GOLGA8K: variants seen among roughly 807,000 people sequenced by gnomAD.
The protein encoded by GOLGA8K is golgin A8 family member K, also known as golgin subfamily A member 8K.
In GOLGA8K, 12 loss-of-function variants were observed where a neutral mutation model predicts 75.2. The observed-to-expected ratio is 0.16, with a 90% CI of 0.10 to 0.26. The LOEUF (loss-of-function observed/expected upper bound fraction) is 0.26, where lower values mean the gene tolerates loss of function less well. Among genes scored for constraint, GOLGA8K ranks in the 10% least tolerant of loss-of-function variants. GOLGA8K has a pLI of 1.00. For synonymous variants in GOLGA8K, 48 were observed against 236.6 expected (o/e 0.20, Z 7.32); for missense variants, 109 against 640.8 (o/e 0.17, Z 8.96).
At position 32,392,462 on chromosome 15, in the gene GOLGA8K, G is replaced by A. The variant is rs1341107926; in HGVS notation, c.*320C>T. On this transcript the variant is annotated 3_prime_UTR_variant, in exon 19 of 19. Coordinates refer to ENST00000512626, the MANE Select transcript of GOLGA8K (RefSeq NM_001282493.2). The stretch of plus-strand genomic sequence containing the variant: ...AGCCTATTCCAAACCAAAGAGAACA[G>A]TTTTGGGCAAAGAGTGGGTCTTTGT... Among the ~76,000 whole-genome samples, 3 of 96,092 alleles carry A rather than the reference G, an allele frequency of 3.1e-5. No individual in the cohort carries two copies. Among genetic ancestry groups the A allele is most frequent in the Admixed American group, 1.3e-4 (1 of 7,632 alleles). 63.0% of individuals were successfully genotyped at this position (96,092 alleles called of 152,430 possible).
rs1439794624 is a variant in GOLGA8K, at chr15:32,397,257, A to G, written c.732T>C (p.His244=). 6.4e-7 allele frequency: 1 copy of G among 1,568,070 alleles called. No individual in the cohort carries two copies. The highest frequency in any genetic ancestry group is 2.3e-5 in the East Asian group (1 of 43,916). The change falls in exon 10 of 19, where the codon CAT becomes CAC. Residue 244 remains histidine, a synonymous_variant. Coordinates refer to ENST00000512626, the MANE Select transcript of GOLGA8K (RefSeq NM_001282493.2). ...VQLERDEYSE[H]LKGERARWQQ... Reference sequence around the variant, plus strand: ...GCCACCGGGCCCTCTCTCCTTTTAGATGTTCAGAATACTCATCTCTTTCTA... The same window carrying G: ...GCCACCGGGCCCTCTCTCCTTTTAGGTGTTCAGAATACTCATCTCTTTCTA...
chr15:32,389,987 T>A lies in GOLGA8K; in HGVS notation c.*2795A>T, dbSNP rs1173828621. Among the ~76,000 whole-genome samples the A allele has an allele frequency of 6.9e-5, 4 of 57,902 alleles. No individual in the cohort carries two copies. Among genetic ancestry groups the A allele is most frequent in the Non-Finnish European group, 1.6e-4 (4 of 24,992 alleles). 38.0% of individuals were successfully genotyped at this position (57,902 alleles called of 152,430 possible). ...AATTTTCTAAAATCAGCTTTGGTTT[T>A]AGAGCTGATTTTTTTTTTCATTTCT... On this transcript the variant is annotated 3_prime_UTR_variant, in exon 19 of 19. Coordinates refer to ENST00000512626, the MANE Select transcript of GOLGA8K (RefSeq NM_001282493.2).
Position 32,394,119 on chromosome 15 carries a change from A to G in GOLGA8K, c.1365+26T>C, listed in dbSNP as rs775122707. The G allele has an allele frequency of 2.4e-5, 22 of 900,902 alleles. No homozygotes were observed. The African/African-American group carries it at 5.1e-4, about 21-fold the overall frequency. 55.8% of individuals were successfully genotyped at this position (900,902 alleles called of 1,614,324 possible). On this transcript the variant is annotated intron_variant, in intron 15 of 18. Coordinates refer to ENST00000512626, the MANE Select transcript of GOLGA8K (RefSeq NM_001282493.2). ...AGGGACCACAGAGAAAGGTGGCAAA[A>G]TGGGTGCAGGGGGAGTCAGGCTCAC...
At chr15:32,395,769 C>T (rs915392992) in intron 13 of GOLGA8K, among the ~76,000 whole-genome samples, 194 bp downstream of exon 13, 7 of 148,350 alleles carry the variant, frequency 4.7e-5, no homozygotes, top group African/African-American at 9.9e-5. Flanking sequence ...GATGTCCAGA[C>T]CTGAGAGGAG....
At chr15:32,394,778 G>C (rs1364100272) in intron 13 of GOLGA8K, 38 bp from the exon 14 acceptor site, 12 of 1,489,494 alleles carry the variant, frequency 8.1e-6, no homozygotes, top group South Asian at 1.2e-5. Context: ...GGTGGAGTTT[G>C]CCAGGTCATC....
intron 2 of GOLGA8K, among the ~76,000 whole-genome samples, chr15:32,400,940 A>G (rs1211749266): frequency 1.1e-5 from 1 of 88,726 alleles, no homozygotes; most frequent in East Asian, 4.3e-4. Context: ...ATTCAAACCC[A>G]GAATTCCTTT....
In GOLGA8K at chr15:32,394,333, C is replaced by T. The variant is rs972780988; in HGVS notation, c.1277-100G>A. 21 of 619,596 alleles carry T rather than the reference C, an allele frequency of 3.4e-5. No homozygotes were observed. In the Admixed American group the frequency reaches 6.2e-4, roughly 18 times the overall value. 38.4% of individuals were successfully genotyped at this position (619,596 alleles called of 1,614,324 possible). On this transcript the variant is annotated intron_variant, in intron 14 of 18. Coordinates refer to ENST00000512626, the MANE Select transcript of GOLGA8K (RefSeq NM_001282493.2). Reference sequence around the variant, plus strand: ...CTCACTGTGTAACCCTGAGCCAGCCCCTCCCCAGAGAGGAATGAGCTGTTG... The same window carrying T: ...CTCACTGTGTAACCCTGAGCCAGCCTCTCCCCAGAGAGGAATGAGCTGTTG...
chr15:32,395,468 C>G (rs1414580738), intron 13 of GOLGA8K, among the ~76,000 whole-genome samples: 1 of 142,652 alleles, frequency 7.0e-6, no homozygotes, highest in African/African-American at 2.5e-5. Context: ...CAACCTCCAC[C>G]TCCTGGGTTG....
Position 32,397,214 on chromosome 15 carries a change from T to G in GOLGA8K, c.775A>C (p.Met259Leu), listed in dbSNP as rs1238744661. The change falls in exon 10 of 19, where the codon ATG becomes CTG. Residue 259 changes from methionine to leucine, a missense_variant. Coordinates refer to ENST00000512626, the MANE Select transcript of GOLGA8K (RefSeq NM_001282493.2). ...RARWQQRMRKMSQEICTLKKE... is the reference protein window; with the variant it reads ...RARWQQRMRKLSQEICTLKKE... ...GGGTCAGATCTCACCTCCTGCGACA[T>G]TTTTCTCATCCTCTGCTGCCACCGG... 15 of 1,430,828 alleles carry G rather than the reference T, an allele frequency of 1.0e-5. 2 individuals carry two copies. Among genetic ancestry groups the G allele is most frequent in the Non-Finnish European group, 1.4e-5 (15 of 1,035,638 alleles). 88.6% of individuals were successfully genotyped at this position (1,430,828 alleles called of 1,614,324 possible).
At chr15:32,394,872 C>T in intron 13 of GOLGA8K, 132 bp from the exon 14 acceptor site, 1 of 1,148,974 alleles carries the variant, frequency 8.7e-7, no homozygotes, top group Non-Finnish European at 1.2e-6. Flanking sequence ...CGCTTTGCCC[C>T]AAGCTTCCTG....
intron 13 of GOLGA8K, among the ~76,000 whole-genome samples, chr15:32,394,962 T>G (rs546919747): frequency 6.7e-6 from 1 of 149,842 alleles, no homozygotes; most frequent in Non-Finnish European, 1.5e-5. Flanking sequence ...CAGCTGCTGA[T>G]AGGTGGCCAC....
intron 13 of GOLGA8K, 113 bp from the exon 14 acceptor site, chr15:32,394,853 C>T: frequency 4.7e-6 from 6 of 1,268,254 alleles, no homozygotes; most frequent in Non-Finnish European, 6.5e-6. Context: ...GGCAGGCCAT[C>T]TCAGCCACCG....
intron 8 of GOLGA8K, among the ~76,000 whole-genome samples, chr15:32,397,771 C>T (rs1359101185): frequency 3.3e-5 from 5 of 152,060 alleles, no homozygotes; most frequent in African/African-American, 1.2e-4. Context: ...CTGTTTGAAC[C>T]TTTGTGGAAT....
intron 11 of GOLGA8K, among the ~76,000 whole-genome samples, 169 bp from the exon 12 acceptor site, chr15:32,396,712 G>A (rs201178319): frequency 0.057 from 7,357 of 128,818 alleles, 2 homozygotes; most frequent in African/African-American, 0.092. Context: ...AGAGCACTGC[G>A]GGTGGCTGGC....
At chr15:32,397,877 CA>C (rs1390842347) in intron 8 of GOLGA8K, among the ~76,000 whole-genome samples, 3 of 150,422 alleles carry the variant, frequency 2.0e-5, no homozygotes, top group African/African-American at 7.3e-5. Flanking sequence ...GATGAAAAAA[CA>C]TGGAGTATTT....
chr15:32,398,200 G>A lies in GOLGA8K; in HGVS notation c.591+360C>T, dbSNP rs1260137155. Reference sequence around the variant, plus strand: ...CACACACACACACACACATGCACGCGTTTCCTCTTTCTACAGAAATGGTAA... The same window carrying A: ...CACACACACACACACACATGCACGCATTTCCTCTTTCTACAGAAATGGTAA... On this transcript the variant is annotated intron_variant, in intron 8 of 18. Coordinates refer to ENST00000512626, the MANE Select transcript of GOLGA8K (RefSeq NM_001282493.2). Among the ~76,000 whole-genome samples the A allele has an allele frequency of 1.1e-4, 16 of 142,350 alleles. 1 individual carries two copies. Among genetic ancestry groups the A allele is most frequent in the African/African-American group, 2.4e-4 (9 of 37,988 alleles). The allele number at this position is 142,350 out of a possible 152,430, so 93.4% of individuals were successfully genotyped here.
At position 32,397,266 on chromosome 15, in the gene GOLGA8K, A is replaced by G; in HGVS notation, c.723T>C (p.Tyr241=). The G allele has an allele frequency of 6.4e-7, 1 of 1,571,846 alleles. No homozygotes were observed. Among genetic ancestry groups the G allele is most frequent in the Non-Finnish European group, 8.7e-7 (1 of 1,153,548 alleles). The change falls in exon 10 of 19, where the codon TAT becomes TAC. Residue 241 remains tyrosine (Y), a synonymous_variant. Coordinates refer to ENST00000512626, the MANE Select transcript of GOLGA8K (RefSeq NM_001282493.2). The stretch of plus-strand genomic sequence containing the variant: ...CCCTCTCTCCTTTTAGATGTTCAGA[A>G]TACTCATCTCTTTCTAATTGGACTT... The part of the protein sequence containing the change: ...FQQVQLERDE[Y]SEHLKGERAR...
chr15:32,393,449 G>A lies in GOLGA8K; in HGVS notation c.1463+24C>T. On this transcript the variant is annotated intron_variant, in intron 16 of 18. Transcript: ENST00000512626. ...CTCCGACGGCCCTGTAGCTCCCCCT[G>A]CTGTGCCCTGGCCTCCCACTCACTG... 2 of 1,097,426 alleles carry A rather than the reference G, an allele frequency of 1.8e-6. 1 individual carries two copies. Among genetic ancestry groups the A allele is most frequent in the Non-Finnish European group, 2.4e-6 (2 of 837,636 alleles). The allele number at this position is 1,097,426 out of a possible 1,614,324, so 68.0% of individuals were successfully genotyped here.
chr15:32,394,278 A>T (rs1172793364), intron 14 of GOLGA8K, 45 bp from the exon 15 acceptor site: 4 of 1,189,688 alleles, frequency 3.4e-6, no homozygotes, highest in Non-Finnish European at 4.8e-6. Context: ...CCAACAAGGG[A>T]GGTACTGTGG....
Sources: gnomAD v4.1 joint callset for allele counts (sites outside exome capture counted in the v4.1 genomes callset) on GRCh38, gnomAD v4.1.1 for gene constraint, MANE v1.5 for transcripts, NCBI Gene and HGNC (gene_info 2026-07-23, HGNC 2026-07-21) for gene names.